ABCB1: variants seen among roughly 807,000 people sequenced by gnomAD.
ABCB1 encodes ATP-dependent translocase ABCB1.
In ABCB1, 69 loss-of-function variants were observed where a neutral mutation model predicts 142.0. The ratio of observed to expected loss-of-function variants is 0.49; its 90% confidence interval spans 0.40 to 0.59. The LOEUF (loss-of-function observed/expected upper bound fraction) is 0.59. Ranked by LOEUF, ABCB1 falls within the 20% of genes least tolerant of loss-of-function variation. The pLI is 0.00. For missense variants in ABCB1, 1,326 were observed against 1,554.7 expected (o/e 0.85, Z 2.47); for synonymous variants, 532 against 539.2 (o/e 0.99, Z 0.18).
chr7:87,638,851 T>C (rs190568692), intron 1 of ABCB1, among the ~76,000 whole-genome samples: 1 of 152,288 alleles, frequency 6.6e-6, no homozygotes, highest in Non-Finnish European at 1.5e-5. Context: ...ACTCCTCAGT[T>C]TATTTAGAAA....
chr7:87,513,709 T>C (rs146648360), intron 25 of ABCB1, among the ~76,000 whole-genome samples: 2 of 152,340 alleles, frequency 1.3e-5, no homozygotes, highest in Admixed American at 6.5e-5. Context: ...TTCACCCATA[T>C]GCAAATCCTT....
At chr7:87,562,015 C>T (rs1817579766) in intron 7 of ABCB1, among the ~76,000 whole-genome samples, 1 of 151,866 alleles carries the variant, frequency 6.6e-6, no homozygotes, top group Non-Finnish European at 1.5e-5. Context: ...TTACACAAAA[C>T]CAATTTATTT....
intron 1 of ABCB1, among the ~76,000 whole-genome samples, chr7:87,671,560 G>A (rs796450256): frequency 1.3e-5 from 2 of 152,236 alleles, no homozygotes; most frequent in African/African-American, 2.4e-5. Context: ...AGTGAAGGCC[G>A]CAAAACAGCA....
Position 87,503,873 on chromosome 7 carries a change from G to A in ABCB1, c.*370C>T, listed in dbSNP as rs1290930830. 3.7e-6 allele frequency: 1 copy of A among 272,630 alleles called. No homozygotes were observed. Among genetic ancestry groups the A allele is most frequent in the Non-Finnish European group, 7.1e-6 (1 of 141,220 alleles). The allele number at this position is 272,630 out of a possible 1,614,324, so 16.9% of individuals were successfully genotyped here. A position where few individuals can be genotyped will look rare whatever the true frequency, so the allele number is the denominator to read the frequency against. Reference sequence around the variant, plus strand: ...ACAAGATGACTCCAGTCACATGAAAGTTTAGTTTTATTATAGACACTTTAT... The same window carrying A: ...ACAAGATGACTCCAGTCACATGAAAATTTAGTTTTATTATAGACACTTTAT... On this transcript the variant is annotated 3_prime_UTR_variant, in exon 28 of 28. Coordinates refer to ENST00000622132, the MANE Select transcript of ABCB1 (RefSeq NM_001348946.2).
intron 4 of ABCB1, among the ~76,000 whole-genome samples, chr7:87,582,081 T>C (rs1365603753): frequency 2.0e-5 from 3 of 152,122 alleles, no homozygotes; most frequent in Non-Finnish European, 4.4e-5. Flanking sequence ...TTAGTGATAG[T>C]GTAGTAAGCG....
chr7:87,535,500 T>C (rs1017817678), intron 20 of ABCB1, among the ~76,000 whole-genome samples: 5 of 147,562 alleles, frequency 3.4e-5, no homozygotes, highest in Non-Finnish European at 5.9e-5. Context: ...TTACATTCTA[T>C]ACAACTTGAT....
chr7:87,685,633 T>C (rs891953745), intron 1 of ABCB1, among the ~76,000 whole-genome samples: 1 of 152,140 alleles, frequency 6.6e-6, no homozygotes, highest in Non-Finnish European at 1.5e-5. Context: ...AAGACCAAAC[T>C]GTAGTATCAG....
intron 1 of ABCB1, among the ~76,000 whole-genome samples, chr7:87,676,493 G>T (rs1826369192): frequency 6.6e-6 from 1 of 151,924 alleles, no homozygotes; most frequent in Non-Finnish European, 1.5e-5. Context: ...TTGAGGTCAG[G>T]AGTTCAAGAC....
Position 87,509,470 on chromosome 7 carries a change from G to C in ABCB1, c.3294C>G (p.Gly1098=), listed in dbSNP as rs371241634. 1 of 1,614,040 alleles carries C rather than the reference G, an allele frequency of 6.2e-7. No homozygotes were observed. The highest frequency in any genetic ancestry group is 1.1e-5 in the South Asian group (1 of 91,074). ...GAACATTCAGTCGCTTTATTTCTTT[G>C]CCATCAAGCAGCTGAAAACAAGAGT... The part of the protein sequence containing the change: ...DPLAGKVLLD[G]KEIKRLNVQW... The change falls in exon 26 of 28, where the codon GGC becomes GGG. Residue 1098 remains glycine, a synonymous_variant. Transcript: ENST00000622132.
In ABCB1 at chr7:87,686,317, G is replaced by A. The variant is rs140018124; in HGVS notation, c.-331+26844C>T. 2.6e-5 allele frequency among the ~76,000 whole-genome samples: 4 copies of A among 152,266 alleles called. No homozygotes were observed. In the East Asian group the frequency reaches 5.8e-4, roughly 22 times the overall value. ...AATAAGGACACATTAACAAATAATTGTGTGTACTAATGTCATCAAGTCATA... is the reference window on the plus strand; with the variant it reads ...AATAAGGACACATTAACAAATAATTATGTGTACTAATGTCATCAAGTCATA... On this transcript the variant is annotated intron_variant, in intron 1 of 28. Coordinates refer to the ABCB1 transcript ENST00000265724.
At chr7:87,601,159 T>C (rs1819442904), upstream of ABCB1, 1 of 152,202 alleles carries the variant, frequency 6.6e-6, no homozygotes, top group South Asian at 2.1e-4. Flanking sequence ...CTTTCAAAGT[T>C]CACATAAGTC....
At position 87,503,169 on chromosome 7, in the gene ABCB1, T is replaced by C. The variant is rs1473445531; in HGVS notation, c.*1074A>G. ...ATTACCTGATTATATCCTTTCCTAT[T>C]TTTTTTTCCTGGAGGTGATGGCTTC... On this transcript the variant is annotated 3_prime_UTR_variant, in exon 28 of 28. Transcript: ENST00000622132. 6.6e-6 allele frequency among the ~76,000 whole-genome samples: 1 copy of C among 151,780 alleles called. No individual in the cohort carries two copies. Among genetic ancestry groups the C allele is most frequent in the African/African-American group, 2.4e-5 (1 of 41,390 alleles).
At position 87,503,898 on chromosome 7, in the gene ABCB1, T is replaced by C. The variant is rs201788496; in HGVS notation, c.*345A>G. ...GTTTAGTTTTATTATAGACACTTTA[T>C]GCAAACATTTCAATACTTTTTGCTA... is the stretch of plus-strand genomic sequence containing the variant. On this transcript the variant is annotated 3_prime_UTR_variant, in exon 28 of 28. Transcript: ENST00000622132. 3.0e-6 allele frequency: 1 copy of C among 329,700 alleles called. No individual in the cohort carries two copies. The highest frequency in any genetic ancestry group is 5.7e-6 in the Non-Finnish European group (1 of 174,530). The allele number at this position is 329,700 out of a possible 1,614,324, so 20.4% of individuals were successfully genotyped here.
chr7:87,703,098 A>C (rs1829238476), intron 1 of ABCB1, among the ~76,000 whole-genome samples: 1 of 152,222 alleles, frequency 6.6e-6, no homozygotes, highest in African/African-American at 2.4e-5. Context: ...AAGATTGAAA[A>C]TTGATATTTA....
intron 1 of ABCB1, among the ~76,000 whole-genome samples, chr7:87,617,312 A>G (rs912786071): frequency 6.6e-6 from 1 of 152,210 alleles, no homozygotes; most frequent in Non-Finnish European, 1.5e-5. Context: ...TTTTTGATAG[A>G]AGATAACAAA....
At chr7:87,577,213 C>T (rs1202878863) in intron 4 of ABCB1, among the ~76,000 whole-genome samples, 2 of 152,140 alleles carry the variant, frequency 1.3e-5, no homozygotes, top group Non-Finnish European at 2.9e-5. Context: ...ATAATCTCCT[C>T]CAGTTCCATT....
chr7:87,711,204 T>C (rs1419691199), intron 1 of ABCB1, among the ~76,000 whole-genome samples: 4 of 151,814 alleles, frequency 2.6e-5, no homozygotes, highest in Non-Finnish European at 5.9e-5. Flanking sequence ...TGCATGCCTG[T>C]AATCCCAGCT....
chr7:87,546,050 G>T, intron 14 of ABCB1, 26 bp from the exon 15 acceptor site: 1 of 1,611,954 alleles, frequency 6.2e-7, no homozygotes, highest in South Asian at 1.1e-5. Flanking sequence ...TTTGGTTTTT[G>T]AATACATTAA....
At chr7:87,626,300 TATATATGTGTCGTATATG>T in intron 1 of ABCB1, among the ~76,000 whole-genome samples, 2 of 44,058 alleles carry the variant, frequency 4.5e-5, no homozygotes, top group Non-Finnish European at 7.5e-5. Context: ...ATATGTGTCA[TATATATGTGTCGTATATG>T]TGTCATATAT....
Sources: gnomAD v4.1 joint callset for allele counts (sites outside exome capture counted in the v4.1 genomes callset) on GRCh38, gnomAD v4.1.1 for gene constraint, MANE v1.5 for transcripts, NCBI Gene and HGNC (gene_info 2026-07-23, HGNC 2026-07-21) for gene names.